MCF2L2: variants seen among roughly 807,000 people sequenced by gnomAD.
MCF2L2 encodes the protein probable guanine nucleotide exchange factor MCF2L2.
A neutral mutation model predicts 150.2 loss-of-function variants in MCF2L2; 102 were observed. The ratio of observed to expected loss-of-function variants is 0.68; its 90% confidence interval spans 0.58 to 0.80. The LOEUF (loss-of-function observed/expected upper bound fraction) is 0.80, where lower values mean the gene tolerates loss of function less well. Ranked by LOEUF, MCF2L2 falls within the 30% of genes least tolerant of loss-of-function variation. MCF2L2 has a pLI of 0.00. For synonymous variants in MCF2L2, 465 were observed against 491.3 expected, an observed-to-expected ratio of 0.95 and a Z score of 0.71; for missense variants, 1,256 against 1,372.8, an observed-to-expected ratio of 0.91 and a Z score of 1.34.
chr3:183,204,159 T>C (rs565470898), intron 25 of MCF2L2, among the ~76,000 whole-genome samples: 1 of 152,200 alleles, frequency 6.6e-6, no homozygotes, highest in South Asian at 2.1e-4. Context: ...GTTAAAACTA[T>C]AAACTCTTTG....
chr3:183,389,177 T>C (rs1459072809), intron 2 of MCF2L2, among the ~76,000 whole-genome samples: 1 of 152,238 alleles, frequency 6.6e-6, no homozygotes, highest in Admixed American at 6.5e-5. Flanking sequence ...CAGGGTTGTG[T>C]CTAGGCTCAA....
At chr3:183,230,219 T>G (rs545928641) in intron 16 of MCF2L2, among the ~76,000 whole-genome samples, 1 of 152,172 alleles carries the variant, frequency 6.6e-6, no homozygotes, top group Non-Finnish European at 1.5e-5. Context: ...GTTCAAGTGA[T>G]TCTTCCGTTT....
chr3:183,407,447 T>C (rs1395960761), intron 1 of MCF2L2, among the ~76,000 whole-genome samples: 2 of 152,254 alleles, frequency 1.3e-5, no homozygotes, highest in Non-Finnish European at 2.9e-5. Flanking sequence ...TTGGGAAGAA[T>C]TGACATCTTG....
At chr3:183,355,270 G>A (rs1442807631) in intron 3 of MCF2L2, among the ~76,000 whole-genome samples, 1 of 152,052 alleles carries the variant, frequency 6.6e-6, no homozygotes, top group African/African-American at 2.4e-5. Flanking sequence ...ATCAGATCTT[G>A]TTGCTTGTGG....
intron 22 of MCF2L2, among the ~76,000 whole-genome samples, chr3:183,209,552 G>A (rs1048055691): frequency 3.3e-5 from 5 of 152,066 alleles, no homozygotes; most frequent in African/African-American, 7.2e-5. Context: ...AGAGTGGCAC[G>A]ACCTTGGCTC....
chr3:183,344,456 T>G (rs541610345), intron 3 of MCF2L2, among the ~76,000 whole-genome samples: 1 of 152,060 alleles, frequency 6.6e-6, no homozygotes, highest in Non-Finnish European at 1.5e-5. Flanking sequence ...AAAAGGCAAA[T>G]AGCCACGGCA....
chr3:183,193,604 C>T (rs1333898070), intron 26 of MCF2L2, among the ~76,000 whole-genome samples: 2 of 152,172 alleles, frequency 1.3e-5, no homozygotes, highest in Non-Finnish European at 2.9e-5. Flanking sequence ...CCGCCTTGGC[C>T]TCCCAAAGTG....
At chr3:183,350,835 C>T (rs532895188) in intron 3 of MCF2L2, among the ~76,000 whole-genome samples, 13 of 151,124 alleles carry the variant, frequency 8.6e-5, no homozygotes, top group African/African-American at 2.4e-4. Flanking sequence ...ACCCGGGAGG[C>T]GGAGCTTACA....
At chr3:183,234,793 C>G (rs1723741897) in intron 15 of MCF2L2, among the ~76,000 whole-genome samples, 1 of 126,084 alleles carries the variant, frequency 7.9e-6, no homozygotes, top group African/African-American at 3.1e-5. Flanking sequence ...GTGCGCTGCA[C>G]CCACTAATGT....
chr3:183,340,394 C>T (rs916878375), intron 4 of MCF2L2, among the ~76,000 whole-genome samples: 2 of 152,068 alleles, frequency 1.3e-5, no homozygotes, highest in African/African-American at 4.8e-5. Flanking sequence ...CCCAGAGGGC[C>T]TATGCTCAGG....
chr3:183,294,996 C>T (rs1041867446), intron 13 of MCF2L2, among the ~76,000 whole-genome samples: 1 of 152,100 alleles, frequency 6.6e-6, no homozygotes, highest in Non-Finnish European at 1.5e-5. Flanking sequence ...TTCCTGACCT[C>T]AGATAATCCA....
At chr3:183,198,232 T>C (rs1040846802) in intron 25 of MCF2L2, among the ~76,000 whole-genome samples, 2 of 152,008 alleles carry the variant, frequency 1.3e-5, no homozygotes, top group Non-Finnish European at 2.9e-5. Context: ...AGCCAAACAA[T>C]GAAATACTAC....
rs937956624 is a variant in MCF2L2 at position 183,178,732 on chromosome 3, T to C, written c.*648A>G. ...ATTTAAAAACTAATAAATCGATACA[T>C]AAAATACCTCAGAAAGTAACTTGGA... On this transcript the variant is annotated 3_prime_UTR_variant, in exon 30 of 30. Transcript: ENST00000328913. 21 of 152,172 alleles carry C rather than the reference T, an allele frequency of 1.4e-4. No homozygotes were observed. The highest frequency in any genetic ancestry group is 4.8e-4 in the African/African-American group (20 of 41,444). 9.4% of individuals were successfully genotyped at this position (152,172 alleles called of 1,614,324 possible). A position where few individuals can be genotyped will look rare whatever the true frequency, so the allele number is the denominator to read the frequency against.
intron 3 of MCF2L2, among the ~76,000 whole-genome samples, chr3:183,342,620 A>ATGTGTGTG (rs57683720): frequency 2.5e-4 from 36 of 142,988 alleles, no homozygotes; most frequent in Admixed American, 5.0e-4. Flanking sequence ...TGAAGATTAA[A>ATGTGTGTG]TGTGTGTGTG....
At chr3:183,386,432 G>A (rs1021878698) in intron 2 of MCF2L2, among the ~76,000 whole-genome samples, 4 of 152,134 alleles carry the variant, frequency 2.6e-5, no homozygotes, top group South Asian at 2.1e-4. Context: ...GCAAACCATC[G>A]GGCCACAAAT....
At chr3:183,307,759 G>C (rs1277061579) in intron 10 of MCF2L2, among the ~76,000 whole-genome samples, 1 of 152,248 alleles carries the variant, frequency 6.6e-6, no homozygotes, top group Non-Finnish European at 1.5e-5. Flanking sequence ...AGGGCTTTCT[G>C]TTCCACTGAG....
At chr3:183,344,437 G>A (rs1234293779) in intron 3 of MCF2L2, among the ~76,000 whole-genome samples, 2 of 152,052 alleles carry the variant, frequency 1.3e-5, no homozygotes, top group African/African-American at 2.4e-5. Context: ...GGCCTATAAC[G>A]CTCCATTTAA....
intron 15 of MCF2L2, among the ~76,000 whole-genome samples, chr3:183,242,357 C>G (rs1724064598): frequency 6.6e-6 from 1 of 152,134 alleles, no homozygotes; most frequent in Non-Finnish European, 1.5e-5. Context: ...TTTGTGGCAA[C>G]CCCTCCCATC....
intron 10 of MCF2L2, among the ~76,000 whole-genome samples, chr3:183,301,704 A>C (rs1346764842): frequency 6.6e-6 from 1 of 151,208 alleles, no homozygotes; most frequent in African/African-American, 2.4e-5. Context: ...CTGAGGCAGG[A>C]GAATTGCTTG....
Sources: gnomAD v4.1 joint callset for allele counts (sites outside exome capture counted in the v4.1 genomes callset) on GRCh38, gnomAD v4.1.1 for gene constraint, MANE v1.5 for transcripts, NCBI Gene and HGNC (gene_info 2026-07-23, HGNC 2026-07-21) for gene names.